The following LRRTM4 variants were observed in gnomAD, a reference collection of about 807,000 sequenced individuals.
LRRTM4 encodes the protein leucine rich repeat transmembrane neuronal 4.
Under a neutral mutation model 47.6 loss-of-function variants are expected in LRRTM4, and 25 were observed. That is an observed-to-expected ratio of 0.53 (90% CI 0.38 to 0.73). LRRTM4 has a LOEUF of 0.73. LRRTM4 is among the 30% of genes least tolerant of loss of function. The probability of loss-of-function intolerance (pLI) is 0.00; values close to 1 mark genes in which losing one functional copy is unlikely to be tolerated. For synonymous variants in LRRTM4, 311 were observed against 269.5 expected (o/e 1.15, Z -1.51); for missense variants, 638 against 713.4 (o/e 0.89, Z 1.20).
At chr2:77,205,586 G>A (rs1237165620) in intron 3 of LRRTM4, among the ~76,000 whole-genome samples, 1 of 152,166 alleles carries the variant, frequency 6.6e-6, no homozygotes, top group Non-Finnish European at 1.5e-5. Context: ...AGAGCACAAA[G>A]AGGAAGAGGG....
intron 3 of LRRTM4, among the ~76,000 whole-genome samples, chr2:76,875,015 C>G (rs753104209): frequency 1.9e-4 from 29 of 152,014 alleles, no homozygotes; most frequent in Non-Finnish European, 3.5e-4. Context: ...TATCTCTGAT[C>G]TGTTTTACTA....
At chr2:77,226,538 CATATATATATATAT>C (rs60188707) in intron 3 of LRRTM4, among the ~76,000 whole-genome samples, 21,616 of 144,080 alleles carry the variant, frequency 0.15, 4,158 homozygotes, top group African/African-American at 0.45. Flanking sequence ...AAATTATATA[CATATATATATATAT>C]ATATATATAT....
intron 3 of LRRTM4, among the ~76,000 whole-genome samples, chr2:77,388,268 A>C (rs1002844946): frequency 6.6e-6 from 1 of 152,146 alleles, no homozygotes; most frequent in Non-Finnish European, 1.5e-5. Context: ...ATTAGATATA[A>C]ATATCATCTA....
intron 3 of LRRTM4, among the ~76,000 whole-genome samples, chr2:77,306,742 A>G (rs770177828): frequency 6.8e-6 from 1 of 146,192 alleles, no homozygotes; most frequent in Non-Finnish European, 1.5e-5. Context: ...CCTCCTCTCA[A>G]TCAGTTTATA....
At chr2:76,900,291 G>A (rs528670710) in intron 3 of LRRTM4, among the ~76,000 whole-genome samples, 100 of 151,898 alleles carry the variant, frequency 6.6e-4, no homozygotes, top group Admixed American at 4.3e-3. Flanking sequence ...ACTAGTAGAC[G>A]TATAGAGTGT....
chr2:76,966,068 T>C (rs998852810), intron 3 of LRRTM4, among the ~76,000 whole-genome samples: 1 of 151,508 alleles, frequency 6.6e-6, no homozygotes, highest in African/African-American at 2.4e-5. Flanking sequence ...TTAGGAAAGA[T>C]GAAATCTATA....
At chr2:77,225,385 AC>A (rs1330864408) in intron 3 of LRRTM4, among the ~76,000 whole-genome samples, 16 of 151,016 alleles carry the variant, frequency 1.1e-4, no homozygotes, top group Non-Finnish European at 2.4e-4. Flanking sequence ...AAAAAAAAAG[AC>A]CCATAACTAG....
chr2:76,853,651 T>C (rs1326240139), intron 3 of LRRTM4, among the ~76,000 whole-genome samples: 1 of 152,100 alleles, frequency 6.6e-6, no homozygotes, highest in Non-Finnish European at 1.5e-5. Context: ...AATGTACCAA[T>C]TTCAAAGAAG....
chr2:77,444,775 A>G (rs903547406), intron 3 of LRRTM4, among the ~76,000 whole-genome samples: 9 of 152,152 alleles, frequency 5.9e-5, no homozygotes, highest in Non-Finnish European at 1.3e-4. Flanking sequence ...CAATCTCCAT[A>G]CTTCCACTTG....
At chr2:77,444,315 A>T (rs1675960950) in intron 3 of LRRTM4, among the ~76,000 whole-genome samples, 4 of 152,152 alleles carry the variant, frequency 2.6e-5, no homozygotes, top group Non-Finnish European at 1.5e-5. Context: ...TGAGGAGATC[A>T]TTCACTCAAC....
At chr2:77,281,137 G>A (rs910850318) in intron 3 of LRRTM4, among the ~76,000 whole-genome samples, 2 of 151,940 alleles carry the variant, frequency 1.3e-5, no homozygotes, top group Non-Finnish European at 2.9e-5. Context: ...TGAAATCAAT[G>A]TCAATCTTAT....
intron 3 of LRRTM4, among the ~76,000 whole-genome samples, chr2:77,358,767 A>G (rs1672067599): frequency 6.6e-6 from 1 of 152,168 alleles, no homozygotes; most frequent in South Asian, 2.1e-4. Flanking sequence ...TAAAACTTTG[A>G]AATTGTTGCC....
intron 3 of LRRTM4, among the ~76,000 whole-genome samples, chr2:77,503,463 G>A (rs1678649621): frequency 6.6e-6 from 1 of 151,686 alleles, no homozygotes; most frequent in Non-Finnish European, 1.5e-5. Context: ...ATGACTTTAA[G>A]ATGTCTCAGA....
chr2:77,315,840 T>C (rs1242596702), intron 3 of LRRTM4, among the ~76,000 whole-genome samples: 1 of 152,188 alleles, frequency 6.6e-6, no homozygotes, highest in Admixed American at 6.5e-5. Context: ...TCTTAGCTTC[T>C]ATGAGAGGGT....
At chr2:76,768,585 A>G (rs1432127459) in intron 3 of LRRTM4, among the ~76,000 whole-genome samples, 2 of 152,140 alleles carry the variant, frequency 1.3e-5, no homozygotes, top group African/African-American at 4.8e-5. Context: ...GCACAACATA[A>G]ATGTCCTAAA....
chr2:77,506,960 T>A (rs948807946), intron 3 of LRRTM4, among the ~76,000 whole-genome samples: 1 of 152,086 alleles, frequency 6.6e-6, no homozygotes, highest in Non-Finnish European at 1.5e-5. Context: ...ATGAAATTAA[T>A]TTTCTCTAAT....
At chr2:76,758,115 A>G (rs753929715) in intron 3 of LRRTM4, among the ~76,000 whole-genome samples, 3 of 152,084 alleles carry the variant, frequency 2.0e-5, no homozygotes, top group Non-Finnish European at 4.4e-5. Context: ...AGTGCCCTTA[A>G]CTTGTTTTAC....
chr2:76,793,046 G>GA (rs1483829899), intron 3 of LRRTM4, among the ~76,000 whole-genome samples: 1 of 152,154 alleles, frequency 6.6e-6, no homozygotes, highest in African/African-American at 2.4e-5. Context: ...TTGCCAGTGA[G>GA]AAAAATCAAG....
At chr2:77,086,410 GTGTGTGTA>G (rs982549035) in intron 3 of LRRTM4, among the ~76,000 whole-genome samples, 42 of 92,184 alleles carry the variant, frequency 4.6e-4, no homozygotes, top group Admixed American at 2.2e-3. Flanking sequence ...AACATTTTTA[GTGTGTGTA>G]TGTGTGTGTA....
Sources: gnomAD v4.1 joint callset for allele counts (sites outside exome capture counted in the v4.1 genomes callset) on GRCh38, gnomAD v4.1.1 for gene constraint, MANE v1.5 for transcripts, NCBI Gene and HGNC (gene_info 2026-07-23, HGNC 2026-07-21) for gene names.